The following YIPF5 variants were observed in gnomAD, a reference collection of about 807,000 sequenced individuals.
YIPF5 encodes the protein Yip1 domain family member 5.
A neutral mutation model predicts 30.4 loss-of-function variants in YIPF5; 8 were observed. The ratio of observed to expected loss-of-function variants is 0.26; its 90% CI spans 0.15 to 0.47. YIPF5 has a LOEUF of 0.47. Ranked by LOEUF, YIPF5 falls within the 20% of genes least tolerant of loss-of-function variation. YIPF5 has a pLI of 0.99. For missense variants in YIPF5, 282 were observed against 301.8 expected, an observed-to-expected ratio of 0.93 and a Z score of 0.49; for synonymous variants, 104 against 107.9, an observed-to-expected ratio of 0.96 and a Z score of 0.23.
At chr5:144,160,699 G>A in intron 5 of YIPF5, 140 bp from the exon 6 acceptor site, 1 of 716,558 alleles carries the variant, frequency 1.4e-6, no homozygotes, top group Non-Finnish European at 2.0e-6. Flanking sequence ...AAAATAATCA[G>A]GATTTTTTTT....
intron 3 of YIPF5, 50 bp from the exon 4 acceptor site, chr5:144,164,306 T>A: frequency 6.6e-7 from 1 of 1,514,542 alleles, no homozygotes; most frequent in Non-Finnish European, 9.0e-7. Flanking sequence ...GATGTATTTT[T>A]AATTCATCAA....
chr5:144,158,521 A>C lies in YIPF5; in HGVS notation c.*1876T>G. The C allele has an allele frequency of 8.2e-7, 1 of 1,214,814 alleles. No individual in the cohort carries two copies. Among genetic ancestry groups the C allele is most frequent in the Non-Finnish European group, 1.0e-6 (1 of 961,836 alleles). 75.3% of individuals were successfully genotyped at this position (1,214,814 alleles called of 1,614,324 possible). A position where few individuals can be genotyped will look rare whatever the true frequency, so the allele number is the denominator to read the frequency against. On this transcript the variant is annotated 3_prime_UTR_variant, in exon 6 of 6. Coordinates refer to ENST00000274496, the MANE Select transcript of YIPF5 (RefSeq NM_030799.9). Reference sequence around the variant, plus strand: ...GTCTAACCAACAGCGAGATAATTTTAATTTCCAAAGCATCTTCTACCGTTT... The same window carrying C: ...GTCTAACCAACAGCGAGATAATTTTCATTTCCAAAGCATCTTCTACCGTTT...
chr5:144,160,555 T>C lies in YIPF5; in HGVS notation c.616A>G (p.Met206Val). ...CCAGCAGTGAGAATGATTCCTACCATTCCTCTGTAAACAACAAGGAAAAAG... is the reference window on the plus strand; with the variant it reads ...CCAGCAGTGAGAATGATTCCTACCACTCCTCTGTAAACAACAAGGAAAAAG... The part of the protein sequence containing the change: ...SFAVIFSLQG[M>V]VGIILTAGII... The change falls in exon 6 of 6, where the codon ATG becomes GTG. Residue 206 changes from methionine to valine, a missense_variant. Coordinates refer to ENST00000274496, the MANE Select transcript of YIPF5 (RefSeq NM_030799.9). 1 of 1,611,746 alleles carries C rather than the reference T, an allele frequency of 6.2e-7. No individual in the cohort carries two copies. Among genetic ancestry groups the C allele is most frequent in the Non-Finnish European group, 8.5e-7 (1 of 1,179,154 alleles).
At chr5:144,169,672 C>CTT (rs1752307113) in intron 2 of YIPF5, among the ~76,000 whole-genome samples, 174 bp downstream of exon 2, 1 of 152,204 alleles carries the variant, frequency 6.6e-6, no homozygotes, top group Non-Finnish European at 1.5e-5. Flanking sequence ...TAGAACAATA[C>CTT]CTTCGAAGCC....
chr5:144,163,991 T>C (rs1404760216), intron 4 of YIPF5, 120 bp downstream of exon 4: 1 of 1,258,398 alleles, frequency 7.9e-7, no homozygotes, highest in Non-Finnish European at 1.1e-6. Context: ...CTCAGTACTA[T>C]TCCAAACACA....
chr5:144,159,388 T>A lies in YIPF5; in HGVS notation c.*1009A>T. ...AAAAAGGTTAGTGATTTTTTTATTATTTTTGGGAAATGTGGCGATCCAACG... is the reference window on the plus strand; with the variant it reads ...AAAAAGGTTAGTGATTTTTTTATTAATTTTGGGAAATGTGGCGATCCAACG... On this transcript the variant is annotated 3_prime_UTR_variant, in exon 6 of 6. Transcript: ENST00000274496. 1.0e-6 allele frequency: 1 copy of A among 985,342 alleles called. No homozygotes were observed. Among genetic ancestry groups the A allele is most frequent in the South Asian group, 4.7e-5 (1 of 21,284 alleles). 61.0% of individuals were successfully genotyped at this position (985,342 alleles called of 1,614,324 possible).
rs948343977 is a variant in YIPF5, at chr5:144,159,814, C to T, written c.*583G>A. On this transcript the variant is annotated 3_prime_UTR_variant, in exon 6 of 6. Coordinates refer to ENST00000274496, the MANE Select transcript of YIPF5 (RefSeq NM_030799.9). ...AGCTCCGCCTCCTGGGTTCACACTTCTCCTGCCTCAGCCTCCTGAGTAGCT... is the reference window on the plus strand; with the variant it reads ...AGCTCCGCCTCCTGGGTTCACACTTTTCCTGCCTCAGCCTCCTGAGTAGCT... The T allele has an allele frequency of 1.9e-6, 1 of 515,724 alleles. No homozygotes were observed. Among genetic ancestry groups the T allele is most frequent in the Non-Finnish European group, 2.4e-6 (1 of 413,588 alleles). The allele number at this position is 515,724 out of a possible 1,614,324, so 31.9% of individuals were successfully genotyped here. A position where few individuals can be genotyped will look rare whatever the true frequency, so the allele number is the denominator to read the frequency against.
At position 144,159,568 on chromosome 5, in the gene YIPF5, T is replaced by C. The variant is rs1171203148; in HGVS notation, c.*829A>G. 5 of 985,298 alleles carry C rather than the reference T, an allele frequency of 5.1e-6. No homozygotes were observed. The highest frequency in any genetic ancestry group is 3.6e-6 in the Non-Finnish European group (3 of 829,930). 61.0% of individuals were successfully genotyped at this position (985,298 alleles called of 1,614,324 possible). A position where few individuals can be genotyped will look rare whatever the true frequency, so the allele number is the denominator to read the frequency against. ...AATTCCATGAGATAATTTACAGTAA[T>C]GTCAAATTTTTGGAGTGCAAACTCA... On this transcript the variant is annotated 3_prime_UTR_variant, in exon 6 of 6. Coordinates refer to ENST00000274496, the MANE Select transcript of YIPF5 (RefSeq NM_030799.9).
In YIPF5 at chr5:144,158,439, A is replaced by C; in HGVS notation, c.*1958T>G. 7.8e-7 allele frequency: 1 copy of C among 1,276,488 alleles called. No individual in the cohort carries two copies. Among genetic ancestry groups the C allele is most frequent in the South Asian group, 1.3e-5 (1 of 77,450 alleles). 79.1% of individuals were successfully genotyped at this position (1,276,488 alleles called of 1,614,324 possible). A position where few individuals can be genotyped will look rare whatever the true frequency, so the allele number is the denominator to read the frequency against. Reference sequence around the variant, plus strand: ...TGTTGTTGAGGATAGGGTAAACAACAAAAAAGAAAATAATTTGATCCATAT... The same window carrying C: ...TGTTGTTGAGGATAGGGTAAACAACCAAAAAGAAAATAATTTGATCCATAT... On this transcript the variant is annotated 3_prime_UTR_variant, in exon 6 of 6. Transcript: ENST00000274496.
At chr5:144,160,624 T>A in intron 5 of YIPF5, 65 bp from the exon 6 acceptor site, 2 of 1,359,670 alleles carry the variant, frequency 1.5e-6, no homozygotes, top group Non-Finnish European at 2.0e-6. Flanking sequence ...TATGTAAGAA[T>A]ACTACAATAA....
intron 4 of YIPF5, chr5:144,163,909 A>C (rs1752123818): frequency 6.3e-6 from 3 of 475,404 alleles, no homozygotes; most frequent in Non-Finnish European, 1.0e-5. Context: ...TTCTTAGAAA[A>C]AGAAATGATT....
Position 144,160,007 on chromosome 5 carries a change from C to T in YIPF5, c.*390G>A, listed in dbSNP as rs74293307. ...ACAGGCGTGAGCTACCACGCCCGGC[C>T]GTCTTGTGTCTTCTTTACTGTGACT... On this transcript the variant is annotated 3_prime_UTR_variant, in exon 6 of 6. Transcript: ENST00000274496. 5.9e-3 allele frequency: 5,798 copies of T among 989,034 alleles called. 61 individuals carry two copies. The East Asian group carries it at 0.068, about 12-fold the overall frequency. 61.3% of individuals were successfully genotyped at this position (989,034 alleles called of 1,614,324 possible).
At chr5:144,164,492 T>C (rs1319712258) in intron 3 of YIPF5, among the ~76,000 whole-genome samples, 1 of 152,118 alleles carries the variant, frequency 6.6e-6, no homozygotes, top group Non-Finnish European at 1.5e-5. Flanking sequence ...CTCAAAGTGA[T>C]GTTCCTGCCT....
intron 5 of YIPF5, 108 bp downstream of exon 5, chr5:144,162,110 C>A (rs1752064922): frequency 1.6e-6 from 2 of 1,217,776 alleles, no homozygotes; most frequent in Admixed American, 4.4e-5. Context: ...ACAAGAGGCA[C>A]TATCTGATAT....
At position 144,158,614 on chromosome 5, in the gene YIPF5, G is replaced by A; in HGVS notation, c.*1783C>T. ...AAAAACTATACTGAAAAAGACAAAT[G>A]AATTGAAAAAGACAAAAATACTATC... On this transcript the variant is annotated 3_prime_UTR_variant, in exon 6 of 6. Coordinates refer to ENST00000274496, the MANE Select transcript of YIPF5 (RefSeq NM_030799.9). 1 of 1,058,706 alleles carries A rather than the reference G, an allele frequency of 9.4e-7. No individual in the cohort carries two copies. 65.6% of individuals were successfully genotyped at this position (1,058,706 alleles called of 1,614,324 possible). A position where few individuals can be genotyped will look rare whatever the true frequency, so the allele number is the denominator to read the frequency against.
chr5:144,170,108 C>A, intron 1 of YIPF5, 143 bp from the exon 2 acceptor site: 11 of 645,738 alleles, frequency 1.7e-5, no homozygotes, highest in East Asian at 8.4e-5. Context: ...AAGTACGCAG[C>A]ATTTGAACGA....
intron 2 of YIPF5, among the ~76,000 whole-genome samples, chr5:144,166,250 A>C (rs1324899017): frequency 6.6e-6 from 1 of 152,210 alleles, no homozygotes; most frequent in Non-Finnish European, 1.5e-5. Context: ...ACTATTTTTC[A>C]AAGTAGTTAT....
intron 5 of YIPF5, among the ~76,000 whole-genome samples, chr5:144,161,598 G>A (rs1752048774): frequency 1.3e-5 from 2 of 152,008 alleles, no homozygotes; most frequent in African/African-American, 4.8e-5. Context: ...TGCCCGCCTA[G>A]GCCTCCCATA....
chr5:144,165,878 G>A (rs1203765216), intron 2 of YIPF5, among the ~76,000 whole-genome samples: 1 of 152,102 alleles, frequency 6.6e-6, no homozygotes, highest in Admixed American at 6.5e-5. Flanking sequence ...AACTGTTAAA[G>A]GTTAGGAGGT....
Sources: gnomAD v4.1 joint callset for allele counts (sites outside exome capture counted in the v4.1 genomes callset) on GRCh38, gnomAD v4.1.1 for gene constraint, MANE v1.5 for transcripts, NCBI Gene and HGNC (gene_info 2026-07-23, HGNC 2026-07-21) for gene names.